The following BACH2 variants were observed in gnomAD, a reference collection of about 807,000 sequenced individuals.
BACH2 encodes transcription regulator protein BACH2.
A neutral mutation model predicts 61.8 loss-of-function variants in BACH2; 5 were observed. The observed-to-expected ratio is 0.08, with a 90% CI of 0.04 to 0.17. BACH2 has a LOEUF of 0.17. Among genes scored for constraint, BACH2 ranks in the 10% least tolerant of loss-of-function variants. The pLI is 1.00. For synonymous variants in BACH2, 446 were observed against 440.1 expected, an observed-to-expected ratio of 1.01 and a Z score of -0.17; for missense variants, 824 against 1,091.1, an observed-to-expected ratio of 0.76 and a Z score of 3.45.
At position 90,011,930 on chromosome 6, in the gene BACH2, ATATGTG is replaced by A. The variant is rs1469665186; in HGVS notation, c.-12-3080_-12-3075del. Among the ~76,000 whole-genome samples the A allele has an allele frequency of 1.3e-4, 13 of 98,770 alleles. 1 individual carries two copies. The highest frequency in any genetic ancestry group is 2.2e-4 in the African/African-American group (7 of 31,946). The allele number at this position is 98,770 out of a possible 152,430, so 64.8% of individuals were successfully genotyped here. ...GCAAGACTCTGTCTCAAAAAAAAAA[ATATGTG>A]TGTGTGTGTGTGTGTGTGTGTGTGT... On this transcript the variant is annotated intron_variant, in intron 5 of 8. Coordinates refer to ENST00000257749, the MANE Select transcript of BACH2 (RefSeq NM_021813.4).
At chr6:89,994,735 C>T (rs145809509) in intron 6 of BACH2, among the ~76,000 whole-genome samples, 10 of 152,296 alleles carry the variant, frequency 6.6e-5, no homozygotes, top group African/African-American at 2.2e-4. Context: ...TTTTCCTGAT[C>T]TTCCTTCCCT....
Position 90,140,165 on chromosome 6 carries a change from G to A in BACH2, c.-161-51056C>T, listed in dbSNP as rs566262970. Among the ~76,000 whole-genome samples, 19 of 152,302 alleles carry A rather than the reference G, an allele frequency of 1.2e-4. No individual in the cohort carries two copies. The South Asian group carries it at 3.7e-3, about 30-fold the overall frequency. Reference sequence around the variant, plus strand: ...AGAAGGGTGCAGTCCATCCCTTTAAGACTTCCTAGAACTCTGACGCACACT... The same window carrying A: ...AGAAGGGTGCAGTCCATCCCTTTAAAACTTCCTAGAACTCTGACGCACACT... On this transcript the variant is annotated intron_variant, in intron 4 of 8. Transcript: ENST00000257749.
chr6:90,070,645 A>C lies in BACH2; in HGVS notation c.-13+18316T>G, dbSNP rs533673953. Among the ~76,000 whole-genome samples the C allele has an allele frequency of 2.0e-5, 3 of 152,344 alleles. No homozygotes were observed. In the South Asian group the frequency reaches 6.2e-4, roughly 32 times the overall value. On this transcript the variant is annotated intron_variant, in intron 5 of 8. Transcript: ENST00000257749. The stretch of plus-strand genomic sequence containing the variant: ...AGCAGCCCCCAAACATAGCCTAAAA[A>C]GACAATGACTCTCATTCCAGTAGCA...
At chr6:90,280,285 C>G (rs1771819251) in intron 1 of BACH2, among the ~76,000 whole-genome samples, 2 of 151,972 alleles carry the variant, frequency 1.3e-5, no homozygotes, top group Admixed American at 6.5e-5. Context: ...AATTTTAAAG[C>G]AAGAATCTAA....
intron 6 of BACH2, among the ~76,000 whole-genome samples, chr6:90,005,108 C>T (rs186117521): frequency 3.3e-5 from 5 of 152,106 alleles, no homozygotes; most frequent in South Asian, 2.1e-4. Flanking sequence ...CTGGTAATGG[C>T]GTGGCTCATC....
intron 3 of BACH2, among the ~76,000 whole-genome samples, chr6:90,238,028 T>A (rs893245733): frequency 6.6e-6 from 1 of 152,260 alleles, no homozygotes; most frequent in Non-Finnish European, 1.5e-5. Context: ...GCAAGATTAA[T>A]CTCGTTTTAG....
chr6:90,207,505 G>C (rs1562504545), intron 3 of BACH2, among the ~76,000 whole-genome samples: 1 of 152,262 alleles, frequency 6.6e-6, no homozygotes, highest in East Asian at 1.9e-4. Flanking sequence ...CCTCTGAAAG[G>C]TGTTTACAGG....
chr6:89,985,057 A>AG (rs1306043543), intron 6 of BACH2, among the ~76,000 whole-genome samples: 1 of 152,162 alleles, frequency 6.6e-6, no homozygotes, highest in Non-Finnish European at 1.5e-5. Flanking sequence ...TTCCAGGGAT[A>AG]GGACTGTGAG....
At chr6:90,092,291 A>AAAAAAAAAT in intron 4 of BACH2, among the ~76,000 whole-genome samples, 2 of 113,842 alleles carry the variant, frequency 1.8e-5, no homozygotes, top group African/African-American at 7.2e-5. Flanking sequence ...AAAAAAAAAA[A>AAAAAAAAAT]ATATATATAT....
intron 5 of BACH2, among the ~76,000 whole-genome samples, chr6:90,043,665 C>T (rs1198852104): frequency 6.6e-6 from 1 of 152,238 alleles, no homozygotes; most frequent in Non-Finnish European, 1.5e-5. Flanking sequence ...TGACCTTTGT[C>T]CTATCACAGC....
chr6:90,078,670 T>C (rs1007836807), intron 5 of BACH2, among the ~76,000 whole-genome samples: 2 of 152,188 alleles, frequency 1.3e-5, no homozygotes, highest in Admixed American at 6.5e-5. Context: ...TTGTGCTTTA[T>C]GTACGTCATC....
intron 4 of BACH2, among the ~76,000 whole-genome samples, chr6:90,142,921 C>T (rs571218697): frequency 2.6e-5 from 4 of 152,070 alleles, no homozygotes; most frequent in Non-Finnish European, 4.4e-5. Context: ...GCTAAGCTAG[C>T]CTTGGGTGTG....
chr6:90,162,398 G>A (rs916091876), intron 4 of BACH2, among the ~76,000 whole-genome samples: 1 of 152,156 alleles, frequency 6.6e-6, no homozygotes, highest in Non-Finnish European at 1.5e-5. Flanking sequence ...TAGCGCTTTG[G>A]GAGGCCAAGG....
rs7454315 is a variant in BACH2 at position 90,059,367 on chromosome 6, C to A, written c.-13+29594G>T. On this transcript the variant is annotated intron_variant, in intron 5 of 8. Coordinates refer to ENST00000257749, the MANE Select transcript of BACH2 (RefSeq NM_021813.4). ...GACATTTATGCAGCCAAAAGACACA[C>A]GAAAAAATGCTCATCATCACTGGCC... Among the ~76,000 whole-genome samples, 9 of 147,384 alleles carry A rather than the reference C, an allele frequency of 6.1e-5. No homozygotes were observed. The East Asian group carries it at 1.8e-3, about 30-fold the overall frequency.
intron 4 of BACH2, among the ~76,000 whole-genome samples, chr6:90,192,948 CA>C (rs1347121568): frequency 1.3e-5 from 2 of 152,190 alleles, no homozygotes; most frequent in Non-Finnish European, 2.9e-5. Context: ...CTGGAAGATA[CA>C]GGAGAGTTTG....
At chr6:90,033,736 A>C (rs1779127866) in intron 5 of BACH2, among the ~76,000 whole-genome samples, 1 of 152,196 alleles carries the variant, frequency 6.6e-6, no homozygotes, top group Non-Finnish European at 1.5e-5. Context: ...GAGACACTTG[A>C]AAACCAGAAA....
At chr6:90,052,438 G>A (rs1780092405) in intron 5 of BACH2, among the ~76,000 whole-genome samples, 1 of 150,558 alleles carries the variant, frequency 6.6e-6, no homozygotes, top group Non-Finnish European at 1.5e-5. Context: ...ATTTATTTTT[G>A]AGACAGGGTC....
chr6:90,182,174 C>T (rs1223610840), intron 4 of BACH2, among the ~76,000 whole-genome samples: 1 of 152,108 alleles, frequency 6.6e-6, no homozygotes, highest in Non-Finnish European at 1.5e-5. Context: ...TTTTAATCAC[C>T]ACTGCTAAGT....
intron 5 of BACH2, among the ~76,000 whole-genome samples, chr6:90,070,177 A>G (rs549048003): frequency 1.3e-5 from 2 of 152,296 alleles, no homozygotes; most frequent in African/African-American, 4.8e-5. Context: ...GGTTCTGGAC[A>G]AGCACCCACC....
Sources: allele counts gnomAD v4.1 joint callset (sites outside exome capture counted in the v4.1 genomes callset), GRCh38; gene constraint gnomAD v4.1.1; transcripts MANE v1.5; gene names NCBI Gene and HGNC (gene_info 2026-07-23, HGNC 2026-07-21).